Variants in TAB2 observed in about 807,000 individuals in gnomAD.
TAB2 encodes TGF-beta-activated kinase 1 and MAP3K7-binding protein 2.
TAB2 carries 3 observed loss-of-function variants against 65.0 expected under a neutral mutation model. The observed-to-expected ratio is 0.05, with a 90% CI of 0.02 to 0.12. The LOEUF (loss-of-function observed/expected upper bound fraction) is 0.12, where lower values mean the gene tolerates loss of function less well. Among genes scored for constraint, TAB2 ranks in the 10% least tolerant of loss-of-function variants. The pLI is 1.00. For missense variants in TAB2, 623 were observed against 840.3 expected (o/e 0.74, Z 3.20); for synonymous variants, 298 against 285.1 (o/e 1.05, Z -0.46).
chr6:149,249,652 G>T (rs1777819680), intron 1 of TAB2, among the ~76,000 whole-genome samples: 1 of 151,750 alleles, frequency 6.6e-6, no homozygotes, highest in South Asian at 2.1e-4. Flanking sequence ...GTGTGTGTGT[G>T]TCTGTCTGTC....
At position 149,410,252 on chromosome 6, in the gene TAB2, T is replaced by A. The variant is rs1583169890; in HGVS notation, c.*533T>A. On this transcript the variant is annotated 3_prime_UTR_variant, in exon 7 of 7. Transcript: ENST00000637181. ...CTTGTCTTTGTCTTCCCTGAACGTG[T>A]CTCCACTCTGTGAAGCCAGCATCTA... is the stretch of plus-strand genomic sequence containing the variant. The A allele has an allele frequency of 6.0e-6, 1 of 166,466 alleles. No individual in the cohort carries two copies. Among genetic ancestry groups the A allele is most frequent in the East Asian group, 1.7e-4 (1 of 5,986 alleles). The allele number at this position is 166,466 out of a possible 1,614,324, so 10.3% of individuals were successfully genotyped here.
At chr6:149,222,074 A>C (rs926344278) in intron 1 of TAB2, among the ~76,000 whole-genome samples, 1 of 152,198 alleles carries the variant, frequency 6.6e-6, no homozygotes, top group African/African-American at 2.4e-5. Flanking sequence ...AAAAAGGTAG[A>C]GAAAGGGAGA....
intron 3 of TAB2, among the ~76,000 whole-genome samples, chr6:149,383,826 G>A (rs892816765): frequency 4.4e-4 from 67 of 152,172 alleles, no homozygotes; most frequent in Middle Eastern, 3.4e-3. Context: ...CAGGCAATCC[G>A]CCTGCCTCAG....
chr6:149,299,899 T>C (rs546227859), intron 1 of TAB2, among the ~76,000 whole-genome samples: 1 of 152,034 alleles, frequency 6.6e-6, no homozygotes, highest in African/African-American at 2.4e-5. Flanking sequence ...CCCCAGCTAC[T>C]CTGGAGGTTG....
intron 1 of TAB2, among the ~76,000 whole-genome samples, chr6:149,351,948 A>G (rs768295494): frequency 6.6e-6 from 1 of 152,182 alleles, no homozygotes; most frequent in Non-Finnish European, 1.5e-5. Context: ...TGGCTAAGGT[A>G]GAATACTGGT....
intron 1 of TAB2, among the ~76,000 whole-genome samples, chr6:149,233,813 G>C (rs1239222850): frequency 6.6e-6 from 1 of 152,098 alleles, no homozygotes; most frequent in Non-Finnish European, 1.5e-5. Context: ...AATTACTTCT[G>C]CACCAACCTA....
intron 1 of TAB2, among the ~76,000 whole-genome samples, chr6:149,242,182 C>T (rs1004090476): frequency 1.3e-5 from 2 of 152,210 alleles, no homozygotes; most frequent in African/African-American, 4.8e-5. Flanking sequence ...ACTAAGGGAT[C>T]ATTTTGATGA....
chr6:149,358,099 AGTTAT>A (rs1780726708), intron 1 of TAB2, among the ~76,000 whole-genome samples: 1 of 152,188 alleles, frequency 6.6e-6, no homozygotes, highest in African/African-American at 2.4e-5. Flanking sequence ...TTAGATCTGC[AGTTAT>A]GTTCTCTCAG....
chr6:149,343,783 T>C (rs186266424), intron 1 of TAB2, among the ~76,000 whole-genome samples: 1 of 152,332 alleles, frequency 6.6e-6, no homozygotes, highest in Non-Finnish European at 1.5e-5. Flanking sequence ...ATCAATTAGC[T>C]TTTAAGGATA....
At chr6:149,309,862 C>CTGTG (rs928658779) in intron 1 of TAB2, among the ~76,000 whole-genome samples, 2 of 137,544 alleles carry the variant, frequency 1.5e-5, no homozygotes, top group African/African-American at 3.0e-5. Flanking sequence ...CCAGGACACA[C>CTGTG]TGTGTGTGTG....
At chr6:149,253,638 AG>A (rs1223862430) in intron 1 of TAB2, among the ~76,000 whole-genome samples, 3 of 146,564 alleles carry the variant, frequency 2.0e-5, no homozygotes, top group African/African-American at 7.6e-5. Flanking sequence ...AAAAAAAAAA[AG>A]AAAGCCAGGC....
At chr6:149,385,096 A>G (rs1421113800) in intron 3 of TAB2, among the ~76,000 whole-genome samples, 2 of 152,202 alleles carry the variant, frequency 1.3e-5, no homozygotes, top group Non-Finnish European at 2.9e-5. Context: ...CAAGTAAGAA[A>G]AATTATGAGT....
At chr6:149,341,734 G>C (rs1358828487) in intron 1 of TAB2, among the ~76,000 whole-genome samples, 3 of 152,078 alleles carry the variant, frequency 2.0e-5, no homozygotes, top group African/African-American at 7.2e-5. Flanking sequence ...TATATTGCTA[G>C]TTACTGGAAA....
At chr6:149,308,572 G>A (rs1779110754) in intron 1 of TAB2, among the ~76,000 whole-genome samples, 1 of 151,656 alleles carries the variant, frequency 6.6e-6, no homozygotes, top group South Asian at 2.1e-4. Context: ...CTGTCACCCA[G>A]GCTGGAGTGC....
rs376471027 is a variant in TAB2 at position 149,271,195 on chromosome 6, G to A, written c.-121+52419G>A. 2.2e-3 allele frequency among the ~76,000 whole-genome samples: 330 copies of A among 152,088 alleles called. 2 individuals are homozygous for A. Among genetic ancestry groups the A allele is most frequent in the Middle Eastern group, 6.8e-3 (2 of 294 alleles). ...TGTACTCCAGCCTGAGTGACAGAGT[G>A]AGACCTTATCTCTAAAAAATATATA... On this transcript the variant is annotated intron_variant, in intron 1 of 1. Transcript: ENST00000606202.
intron 3 of TAB2, among the ~76,000 whole-genome samples, chr6:149,385,061 T>C (rs1781745194): frequency 6.6e-6 from 1 of 152,204 alleles, no homozygotes; most frequent in Non-Finnish European, 1.5e-5. Flanking sequence ...GCAGTAGCCT[T>C]GACTTTGAAC....
At chr6:149,251,692 G>C (rs1777863605) in intron 1 of TAB2, among the ~76,000 whole-genome samples, 1 of 152,154 alleles carries the variant, frequency 6.6e-6, no homozygotes, top group African/African-American at 2.4e-5. Context: ...AGGAACCTCT[G>C]CTCTTGAATT....
chr6:149,396,030 G>C (rs779394862), intron 3 of TAB2, among the ~76,000 whole-genome samples: 1 of 151,038 alleles, frequency 6.6e-6, no homozygotes, highest in Non-Finnish European at 1.5e-5. Context: ...CCCCCTACCC[G>C]CCCCCGAGTT....
chr6:149,363,759 T>G (rs957617566), intron 1 of TAB2, among the ~76,000 whole-genome samples: 1 of 152,188 alleles, frequency 6.6e-6, no homozygotes, highest in Admixed American at 6.5e-5. Context: ...GCACCTCACA[T>G]TTTTCTCTGC....
Sources: allele counts gnomAD v4.1 joint callset (sites outside exome capture counted in the v4.1 genomes callset), GRCh38; gene constraint gnomAD v4.1.1; transcripts MANE v1.5; gene names NCBI Gene and HGNC (gene_info 2026-07-23, HGNC 2026-07-21).